EDEM3: variants seen among roughly 807,000 people sequenced by gnomAD.
EDEM3 encodes the protein ER degradation enhancing alpha-mannosidase like protein 3.
EDEM3 carries 60 observed loss-of-function variants against 110.2 expected under a neutral mutation model. The observed-to-expected ratio is 0.54, with a 90% confidence interval of 0.44 to 0.67. The LOEUF (loss-of-function observed/expected upper bound fraction) is 0.67, where lower values mean the gene tolerates loss of function less well. Among genes scored for constraint, EDEM3 ranks in the 30% least tolerant of loss-of-function variants. The pLI, the probability that EDEM3 is intolerant of heterozygous loss-of-function variation, is 0.00. For missense variants in EDEM3, 996 were observed against 1,121.0 expected (o/e 0.89, Z 1.59); for synonymous variants, 352 against 382.9 (o/e 0.92, Z 0.94).
intron 18 of EDEM3, among the ~76,000 whole-genome samples, chr1:184,703,338 T>C (rs774584735): frequency 3.9e-5 from 6 of 152,108 alleles, no homozygotes; most frequent in African/African-American, 1.4e-4. Flanking sequence ...ATTATGACTA[T>C]AAAAATTTCA....
At chr1:184,705,693 G>A (rs1331088502) in intron 18 of EDEM3, among the ~76,000 whole-genome samples, 7 of 151,938 alleles carry the variant, frequency 4.6e-5, no homozygotes, top group South Asian at 2.1e-4. Flanking sequence ...ACTATTGGGC[G>A]GCAGGGGAGG....
intron 2 of EDEM3, among the ~76,000 whole-genome samples, chr1:184,747,845 T>C (rs67359172): frequency 0.31 from 46,488 of 152,170 alleles, 8,614 homozygotes; most frequent in East Asian, 0.55. Flanking sequence ...CTTTCTGCCA[T>C]TGATATAACT....
Position 184,732,939 on chromosome 1 carries a change from T to C in EDEM3, c.510A>G (p.Glu170=). 1 of 1,614,086 alleles carries C rather than the reference T, an allele frequency of 6.2e-7. No individual in the cohort carries two copies. The highest frequency in any genetic ancestry group is 8.5e-7 in the Non-Finnish European group (1 of 1,179,970). Residue 170 remains glutamate, a synonymous_variant, in exon 6 of 20, where the codon GAA becomes GAG. Coordinates refer to ENST00000318130, the MANE Select transcript of EDEM3 (RefSeq NM_025191.4). Reference sequence around the variant, plus strand: ...GTTCATCATTGTACCACTGCATATATTCACCTTTTTCTTTCAGCATGATTG... The same window carrying C: ...GTTCATCATTGTACCACTGCATATACTCACCTTTTTCTTTCAGCATGATTG... The part of the protein sequence containing the change: ...SLAIMLKEKG[E]YMQWYNDELL...
rs1183090171 is a variant in EDEM3, at chr1:184,739,611, T to C, written c.205-1900A>G. Among the ~76,000 whole-genome samples the C allele has an allele frequency of 7.2e-5, 11 of 152,118 alleles. No individual in the cohort carries two copies. In the East Asian group the frequency reaches 1.5e-3, roughly 21 times the overall value. ...CTTTTATGAATTCAGTTTCATCCTA[T>C]AGGTTGCACATATTTCTTAATATTT... On this transcript the variant is annotated intron_variant, in intron 2 of 19. Transcript: ENST00000318130.
intron 3 of EDEM3, 40 bp from the exon 4 acceptor site, chr1:184,737,104 C>G: frequency 6.5e-7 from 1 of 1,537,020 alleles, no homozygotes; most frequent in Non-Finnish European, 9.0e-7. Context: ...ACATTAGAAT[C>G]CTAAATAGTT....
At chr1:184,697,365 C>T (rs1440586787) in intron 19 of EDEM3, among the ~76,000 whole-genome samples, 1 of 151,652 alleles carries the variant, frequency 6.6e-6, no homozygotes, top group Non-Finnish European at 1.5e-5. Flanking sequence ...GTTTTAGAAC[C>T]AGATACAATT....
At chr1:184,737,548 T>C in intron 3 of EDEM3, 63 bp downstream of exon 3, 3 of 1,469,592 alleles carry the variant, frequency 2.0e-6, no homozygotes, top group Non-Finnish European at 2.9e-6. Context: ...ATGTAAACTG[T>C]CTGTAAAAGT....
intron 19 of EDEM3, among the ~76,000 whole-genome samples, chr1:184,701,789 C>G (rs1303484677): frequency 1.3e-5 from 2 of 152,094 alleles, no homozygotes; most frequent in African/African-American, 4.8e-5. Flanking sequence ...TACTTGCTCA[C>G]TCCATTGCTC....
Position 184,734,605 on chromosome 1 carries a change from T to G in EDEM3, c.384A>C (p.Arg128Ser). ...CTAAATTAACATCTCTTAAAACTTT[T>G]CTCACTGCATCTTCAAATTCTTTAG... ...NKTKEFEDAV[R>S]KVLRDVNLDN... Residue 128 changes from arginine (R) to serine (S), a missense_variant, in exon 5 of 20, where the codon AGA becomes AGC. This residue lies in a region of EDEM3 where 200 missense variants were observed against 183.8 expected (regional missense o/e 1.09). Coordinates refer to ENST00000318130, the MANE Select transcript of EDEM3 (RefSeq NM_025191.4). 6.5e-7 allele frequency: 1 copy of G among 1,536,214 alleles called. No homozygotes were observed. Among genetic ancestry groups the G allele is most frequent in the Non-Finnish European group, 8.8e-7 (1 of 1,134,216 alleles).
At chr1:184,726,134 C>T in intron 7 of EDEM3, 121 bp downstream of exon 7, 1 of 1,333,126 alleles carries the variant, frequency 7.5e-7, no homozygotes, top group East Asian at 2.5e-5. Flanking sequence ...GGAATTTAGA[C>T]AAAAAGTTCA....
intron 2 of EDEM3, 60 bp downstream of exon 2, chr1:184,749,487 C>T (rs1652628077): frequency 7.8e-7 from 1 of 1,277,048 alleles, no homozygotes; most frequent in Non-Finnish European, 1.1e-6. Context: ...TCCCAGTTGA[C>T]TGTGCTCACA....
chr1:184,717,650 T>TA (rs1650628702), intron 11 of EDEM3, 27 bp from the exon 12 acceptor site: 1 of 1,555,992 alleles, frequency 6.4e-7, no homozygotes, highest in South Asian at 1.2e-5. Context: ...ACAAAAGGCA[T>TA]AAAAAATGTG....
intron 19 of EDEM3, among the ~76,000 whole-genome samples, chr1:184,694,806 G>A (rs1649245278): frequency 1.3e-5 from 2 of 152,018 alleles, no homozygotes. Context: ...GATTTGCAAT[G>A]TATGGCTAAA....
intron 18 of EDEM3, among the ~76,000 whole-genome samples, chr1:184,704,942 C>G (rs1003054077): frequency 6.6e-6 from 1 of 151,502 alleles, no homozygotes; most frequent in African/African-American, 2.4e-5. Flanking sequence ...TGGTGGCAGG[C>G]ACCTGTAATC....
rs1651195789 is a variant in EDEM3 at position 184,726,400 on chromosome 1, T to C, written c.613-11A>G. ...AAACTTTAAATTAATCTGAATACAATTAGAAAATTGTCATTAGCAGTTATC... is the reference window on the plus strand; with the variant it reads ...AAACTTTAAATTAATCTGAATACAACTAGAAAATTGTCATTAGCAGTTATC... On this transcript the variant is annotated splice_polypyrimidine_tract_variant and intron_variant, in intron 6 of 19. Transcript: ENST00000318130. 1 of 1,611,108 alleles carries C rather than the reference T, an allele frequency of 6.2e-7. No individual in the cohort carries two copies. The highest frequency in any genetic ancestry group is 1.3e-5 in the African/African-American group (1 of 74,834).
intron 17 of EDEM3, among the ~76,000 whole-genome samples, chr1:184,707,134 C>T (rs1029887026): frequency 6.6e-6 from 1 of 152,118 alleles, no homozygotes; most frequent in Non-Finnish European, 1.5e-5. Context: ...ACGTAATTTG[C>T]TCACAATGTT....
In EDEM3 at chr1:184,702,736, T is replaced by C. The variant is rs1649689549; in HGVS notation, c.2389+75A>G. The C allele has an allele frequency of 8.0e-6, 10 of 1,252,614 alleles. No homozygotes were observed. The South Asian group carries it at 2.5e-4, about 31-fold the overall frequency. The allele number at this position is 1,252,614 out of a possible 1,614,324, so 77.6% of individuals were successfully genotyped here. A position where few individuals can be genotyped will look rare whatever the true frequency, so the allele number is the denominator to read the frequency against. On this transcript the variant is annotated intron_variant, in intron 19 of 19. Coordinates refer to ENST00000318130, the MANE Select transcript of EDEM3 (RefSeq NM_025191.4). ...GTGAACCCCCCAAAACAATTTTTTG[T>C]GACTCATTCTTGTTATCAAACTAGC... is the stretch of plus-strand genomic sequence containing the variant.
chr1:184,711,132 C>T (rs191646518), intron 15 of EDEM3, among the ~76,000 whole-genome samples: 17 of 152,040 alleles, frequency 1.1e-4, no homozygotes, highest in Admixed American at 1.1e-3. Flanking sequence ...GAGTTTCGCT[C>T]TTGTCACCCA....
chr1:184,696,417 C>A (rs1392254864), intron 19 of EDEM3, among the ~76,000 whole-genome samples: 1 of 151,824 alleles, frequency 6.6e-6, no homozygotes, highest in African/African-American at 2.4e-5. Context: ...TTATGCTTTT[C>A]TGTTGTTAAC....
Sources: allele counts gnomAD v4.1 joint callset (sites outside exome capture counted in the v4.1 genomes callset), GRCh38; gene constraint gnomAD v4.1.1; regional missense constraint gnomAD v4.1.1; transcripts MANE v1.5; gene names NCBI Gene and HGNC (gene_info 2026-07-23, HGNC 2026-07-21).